The following APBB2 variants were observed in gnomAD, a reference collection of about 807,000 sequenced individuals.
APBB2 encodes amyloid beta precursor protein binding family B member 2.
APBB2 carries 38 observed loss-of-function variants against 82.5 expected under a neutral mutation model. The ratio of observed to expected loss-of-function variants is 0.46; its 90% CI spans 0.36 to 0.60. The LOEUF is 0.60. Ranked by LOEUF, APBB2 falls within the 20% of genes least tolerant of loss-of-function variation. The pLI, the probability that APBB2 is intolerant of heterozygous loss-of-function variation, is 0.00. For missense variants in APBB2, 772 were observed against 972.3 expected (o/e 0.79, Z 2.74); for synonymous variants, 341 against 368.2 (o/e 0.93, Z 0.85).
chr4:41,102,121 C>G (rs988957842), intron 2 of APBB2, among the ~76,000 whole-genome samples: 2 of 152,112 alleles, frequency 1.3e-5, no homozygotes, highest in African/African-American at 4.8e-5. Flanking sequence ...CCCTCGGGCT[C>G]TCCTATTACA....
chr4:41,147,506 T>TTA (rs1553964596), intron 1 of APBB2, among the ~76,000 whole-genome samples: 1 of 145,000 alleles, frequency 6.9e-6, no homozygotes, highest in Non-Finnish European at 1.5e-5. Context: ...TTTTTTTTTT[T>TTA]AAATGAGGAG....
intron 12 of APBB2, among the ~76,000 whole-genome samples, chr4:40,887,139 T>C (rs1382998693): frequency 6.6e-6 from 1 of 152,156 alleles, no homozygotes; most frequent in African/African-American, 2.4e-5. Context: ...AACTCAACCC[T>C]GGGGGGCTCA....
At chr4:41,196,736 C>G in intron 1 of APBB2, among the ~76,000 whole-genome samples, 1 of 151,538 alleles carries the variant, frequency 6.6e-6, no homozygotes, top group African/African-American at 2.4e-5. Context: ...CTCTTGCCAT[C>G]ATGAGCACAT....
chr4:41,094,847 G>A (rs139039864), intron 3 of APBB2, among the ~76,000 whole-genome samples: 37 of 152,302 alleles, frequency 2.4e-4, no homozygotes, highest in African/African-American at 8.2e-4. Flanking sequence ...TTATAGGGAT[G>A]AGCCACCGCA....
chr4:40,821,305 G>A (rs1747842490), intron 17 of APBB2, among the ~76,000 whole-genome samples: 1 of 152,192 alleles, frequency 6.6e-6, no homozygotes, highest in African/African-American at 2.4e-5. Context: ...TTGTCACCTG[G>A]CAGCTTGGGG....
intron 1 of APBB2, among the ~76,000 whole-genome samples, chr4:41,170,265 T>C (rs1221346444): frequency 1.3e-5 from 2 of 152,226 alleles, no homozygotes; most frequent in Non-Finnish European, 2.9e-5. Context: ...AATGTAGGCA[T>C]ATCCTAGGCC....
chr4:41,141,070 ACTAGTCC>A lies in APBB2; in HGVS notation c.-261+1910_-261+1916del, dbSNP rs1215521525. ...GTTTGGAAAAACTGTCTTCCACAAA[ACTAGTCC>A]CTCATACCAAACAGGTTGGGGACTG... On this transcript the variant is annotated intron_variant, in intron 2 of 17. Coordinates refer to ENST00000508593, the MANE Select transcript of APBB2 (RefSeq NM_004307.2). Among the ~76,000 whole-genome samples, 3 of 152,264 alleles carry A rather than the reference ACTAGTCC, an allele frequency of 2.0e-5. No individual in the cohort carries two copies. The East Asian group carries it at 5.8e-4, about 29-fold the overall frequency.
At chr4:40,870,448 G>T (rs1304911418) in intron 12 of APBB2, among the ~76,000 whole-genome samples, 1 of 152,206 alleles carries the variant, frequency 6.6e-6, no homozygotes, top group Non-Finnish European at 1.5e-5. Flanking sequence ...GTGTGTAACT[G>T]GCTCAGGGTC....
intron 12 of APBB2, among the ~76,000 whole-genome samples, chr4:40,841,330 A>G (rs1755737852): frequency 6.6e-6 from 1 of 152,154 alleles, no homozygotes; most frequent in Non-Finnish European, 1.5e-5. Flanking sequence ...AACCACCATC[A>G]TTCATTCAAG....
intron 7 of APBB2, among the ~76,000 whole-genome samples, chr4:40,937,892 T>A (rs906118933): frequency 6.6e-6 from 1 of 152,270 alleles, no homozygotes; most frequent in Non-Finnish European, 1.5e-5. Context: ...TAATAATTTT[T>A]AGTTAACAAA....
At chr4:40,999,184 G>A (rs1461481490) in intron 6 of APBB2, among the ~76,000 whole-genome samples, 2 of 152,144 alleles carry the variant, frequency 1.3e-5, no homozygotes, top group Non-Finnish European at 2.9e-5. Context: ...CATCACACCT[G>A]TATCCCAGTA....
At chr4:40,875,313 C>T (rs1438489493) in intron 12 of APBB2, among the ~76,000 whole-genome samples, 2 of 152,162 alleles carry the variant, frequency 1.3e-5, no homozygotes, top group East Asian at 3.8e-4. Context: ...AAAAGGAGGA[C>T]AGTGTGTCTT....
intron 1 of APBB2, among the ~76,000 whole-genome samples, chr4:41,209,670 G>A (rs1274103680): frequency 6.6e-6 from 1 of 152,180 alleles, no homozygotes. Flanking sequence ...AAGTCTCCCC[G>A]CAGAAAATGC....
chr4:40,976,442 G>C (rs1372889557), intron 6 of APBB2, among the ~76,000 whole-genome samples: 1 of 152,232 alleles, frequency 6.6e-6, no homozygotes, highest in Non-Finnish European at 1.5e-5. Context: ...CCAGGGGGCA[G>C]ACATTTTGCT....
At position 41,109,604 on chromosome 4, in the gene APBB2, G is replaced by A. The variant is rs537055516; in HGVS notation, c.-260-8854C>T. ...TCCTGCCTCAGCCTCCCGAGTAGCC[G>A]GGATTACAGGCACCCACCACTACAC... On this transcript the variant is annotated intron_variant, in intron 2 of 17. Coordinates refer to ENST00000508593, the MANE Select transcript of APBB2 (RefSeq NM_004307.2). Among the ~76,000 whole-genome samples the A allele has an allele frequency of 3.3e-5, 5 of 152,230 alleles. No individual in the cohort carries two copies. The East Asian group carries it at 7.7e-4, about 24-fold the overall frequency.
chr4:40,861,006 G>A (rs1453162330), intron 12 of APBB2, among the ~76,000 whole-genome samples: 5 of 152,240 alleles, frequency 3.3e-5, no homozygotes, highest in African/African-American at 9.6e-5. Context: ...GTAATAAAAT[G>A]TATTTCTGAC....
chr4:40,840,568 C>T (rs987251947), intron 12 of APBB2, among the ~76,000 whole-genome samples: 4 of 152,184 alleles, frequency 2.6e-5, no homozygotes, highest in African/African-American at 2.4e-5. Flanking sequence ...TTCAGGCTCT[C>T]GCTTGGTAAG....
chr4:41,170,006 C>T (rs969588786), intron 1 of APBB2, among the ~76,000 whole-genome samples: 4 of 152,072 alleles, frequency 2.6e-5, no homozygotes, highest in African/African-American at 9.7e-5. Context: ...AATTCAAAAT[C>T]CGCATATAAT....
chr4:40,821,764 A>C, intron 17 of APBB2, 107 bp downstream of exon 17: 1 of 1,287,662 alleles, frequency 7.8e-7, no homozygotes, highest in South Asian at 1.4e-5. Context: ...GCATTACTTT[A>C]GGGATTCGAC....
Sources: allele counts gnomAD v4.1 joint callset (sites outside exome capture counted in the v4.1 genomes callset), GRCh38; gene constraint gnomAD v4.1.1; transcripts MANE v1.5; gene names NCBI Gene and HGNC (gene_info 2026-07-23, HGNC 2026-07-21).